IL1RAP: variants seen among roughly 807,000 people sequenced by gnomAD.
IL1RAP encodes interleukin-1 receptor accessory protein.
Under a neutral mutation model 60.7 loss-of-function variants are expected in IL1RAP, and 35 were observed. The observed-to-expected ratio is 0.58, with a 90% CI of 0.44 to 0.76. IL1RAP has a LOEUF of 0.76. Ranked by LOEUF, IL1RAP falls within the 30% of genes least tolerant of loss-of-function variation. The pLI, the probability that IL1RAP is intolerant of heterozygous loss-of-function variation, is 0.00. For missense variants in IL1RAP, 572 were observed against 693.9 expected, an observed-to-expected ratio of 0.82 and a Z score of 1.97; for synonymous variants, 268 against 250.9, an observed-to-expected ratio of 1.07 and a Z score of -0.64.
chr3:190,621,211 T>C (rs1731749825), intron 6 of IL1RAP, among the ~76,000 whole-genome samples: 1 of 152,220 alleles, frequency 6.6e-6, no homozygotes, highest in African/African-American at 2.4e-5. Flanking sequence ...TGACAAGAAG[T>C]AACCTGTTTA....
In IL1RAP at chr3:190,648,583, T is replaced by C. The variant is rs1577829902; in HGVS notation, c.1591T>C (p.Ser531Pro). 6.2e-7 allele frequency: 1 copy of C among 1,613,858 alleles called. No homozygotes were observed. Among genetic ancestry groups the C allele is most frequent in the Non-Finnish European group, 8.5e-7 (1 of 1,179,974 alleles). Residue 531 changes from serine (S) to proline (P), a missense_variant, in exon 12 of 12, where the codon TCC becomes CCC. By Grantham distance (74) the Ser-to-Pro change is moderately conservative. Transcript: ENST00000447382. ...LTVIKWKGEK[S>P]KYPQGRFWKQ... ...GGTCATTAAATGGAAAGGGGAAAAA[T>C]CCAAGTATCCACAGGGCAGGTTCTG...
At chr3:190,627,269 GTT>G in intron 7 of IL1RAP, 52 bp from the exon 8 acceptor site, 2 of 1,390,450 alleles carry the variant, frequency 1.4e-6, no homozygotes, top group Non-Finnish European at 9.7e-7. Context: ...GTTTTGTTTT[GTT>G]TTGTTTTGTT....
In IL1RAP at chr3:190,604,417, G is replaced by A. The variant is rs1730119242; in HGVS notation, c.350+4G>A. Reference sequence around the variant, plus strand: ...GCAACTATACCTGCATGTTAAGGTAGCCTGATTCTTGGCAGTGGCTTTCTC... The same window carrying A: ...GCAACTATACCTGCATGTTAAGGTAACCTGATTCTTGGCAGTGGCTTTCTC... On this transcript the variant is annotated splice_donor_region_variant and intron_variant, in intron 4 of 11. Coordinates refer to ENST00000447382, the MANE Select transcript of IL1RAP (RefSeq NM_002182.4). 6.2e-7 allele frequency: 1 copy of A among 1,610,796 alleles called. No homozygotes were observed. Among genetic ancestry groups the A allele is most frequent in the East Asian group, 2.2e-5 (1 of 44,826 alleles).
chr3:190,549,635 A>G (rs1724689228), intron 1 of IL1RAP, among the ~76,000 whole-genome samples: 1 of 152,216 alleles, frequency 6.6e-6, no homozygotes, highest in African/African-American at 2.4e-5. Flanking sequence ...GCACAGAGAG[A>G]GGCCAAAAGC....
chr3:190,617,025 G>A (rs1414033781), intron 5 of IL1RAP, among the ~76,000 whole-genome samples: 2 of 152,270 alleles, frequency 1.3e-5, no homozygotes, highest in South Asian at 2.1e-4. Flanking sequence ...AGTTCTTCAC[G>A]CTTTTTCCTG....
chr3:190,631,853 T>G (rs1732815491), intron 9 of IL1RAP, among the ~76,000 whole-genome samples: 1 of 152,036 alleles, frequency 6.6e-6, no homozygotes, highest in African/African-American at 2.4e-5. Flanking sequence ...TAGGCTGAAG[T>G]GCAGTGGCAT....
intron 3 of IL1RAP, among the ~76,000 whole-genome samples, chr3:190,570,059 T>C (rs1726778263): frequency 6.6e-6 from 1 of 152,228 alleles, no homozygotes; most frequent in African/African-American, 2.4e-5. Flanking sequence ...GTTTAACTGA[T>C]TAACTTTTTA....
rs533752329 is a variant in IL1RAP, at chr3:190,644,379, A to T, written c.1183A>T (p.Thr395Ser). 75 of 1,613,828 alleles carry T rather than the reference A, an allele frequency of 4.6e-5. 1 individual carries two copies. The South Asian group carries it at 8.1e-4, about 17-fold the overall frequency. The change falls in exon 10 of 12, where the codon ACA becomes TCA. Residue 395 changes from threonine (T) to serine (S), a missense_variant. Coordinates refer to ENST00000447382, the MANE Select transcript of IL1RAP (RefSeq NM_002182.4). ...CCTATTTTACCGGGCTCATTTTGGA[A>T]CAGATGAAACCATTTTAGGTAAGTA... is the stretch of plus-strand genomic sequence containing the variant. ...MVLFYRAHFG[T>S]DETILDGKEY...
intron 1 of IL1RAP, among the ~76,000 whole-genome samples, chr3:190,535,722 G>C (rs1723401506): frequency 6.6e-6 from 1 of 152,246 alleles, no homozygotes; most frequent in African/African-American, 2.4e-5. Context: ...CAAACACGGT[G>C]GCATAAGATT....
intron 2 of IL1RAP, among the ~76,000 whole-genome samples, chr3:190,557,987 C>G (rs1207890422): frequency 6.6e-6 from 1 of 152,090 alleles, no homozygotes; most frequent in Non-Finnish European, 1.5e-5. Flanking sequence ...CTCGGTCACT[C>G]CAGTTCTGTC....
At chr3:190,595,212 G>T (rs1224613912) in intron 3 of IL1RAP, among the ~76,000 whole-genome samples, 5 of 152,178 alleles carry the variant, frequency 3.3e-5, no homozygotes, top group Non-Finnish European at 5.9e-5. Flanking sequence ...CACCCATTTA[G>T]TATTTGGCAC....
chr3:190,593,931 A>G (rs948700233), intron 3 of IL1RAP, among the ~76,000 whole-genome samples: 9 of 152,226 alleles, frequency 5.9e-5, no homozygotes, highest in Non-Finnish European at 1.0e-4. Flanking sequence ...GATATTTAAA[A>G]TAATTTGTCA....
chr3:190,539,647 T>C (rs910356084), intron 1 of IL1RAP, among the ~76,000 whole-genome samples: 4 of 151,242 alleles, frequency 2.6e-5, no homozygotes, highest in Non-Finnish European at 5.9e-5. Flanking sequence ...TTGTGTATAA[T>C]TAATAAAATT....
At chr3:190,654,049 A>T (rs532312867), downstream of IL1RAP, among the ~76,000 whole-genome samples, 1 of 152,228 alleles carries the variant, frequency 6.6e-6, no homozygotes, top group East Asian at 1.9e-4. Context: ...GAGTACCAAT[A>T]AAAAAATTAA....
At chr3:190,579,224 A>G (rs765356473) in intron 3 of IL1RAP, among the ~76,000 whole-genome samples, 8 of 152,084 alleles carry the variant, frequency 5.3e-5, no homozygotes, top group Non-Finnish European at 7.4e-5. Flanking sequence ...TCTTCCTTCA[A>G]CCATCAGCCT....
At chr3:190,562,370 G>GT (rs1725966131) in intron 2 of IL1RAP, among the ~76,000 whole-genome samples, 1 of 151,550 alleles carries the variant, frequency 6.6e-6, no homozygotes. Context: ...TATTGCAGGG[G>GT]GTTTTTTTTT....
chr3:190,555,291 C>T (rs1028909280), intron 1 of IL1RAP, among the ~76,000 whole-genome samples: 1 of 125,162 alleles, frequency 8.0e-6, no homozygotes, highest in African/African-American at 3.3e-5. Flanking sequence ...TGATGTGCTC[C>T]TTCCTCCCTC....
intron 9 of IL1RAP, chr3:190,629,987 A>G: frequency 1.2e-6 from 1 of 866,510 alleles, no homozygotes; most frequent in Non-Finnish European, 1.4e-6. Flanking sequence ...TTTTAATATT[A>G]TTAGAAGCAT....
At chr3:190,565,966 T>C (rs1017177265) in intron 3 of IL1RAP, among the ~76,000 whole-genome samples, 20 of 152,058 alleles carry the variant, frequency 1.3e-4, no homozygotes, top group Non-Finnish European at 1.3e-4. Context: ...TCTTCTCTCC[T>C]CCTCCTCCCT....
Sources: gnomAD v4.1 joint callset for allele counts (sites outside exome capture counted in the v4.1 genomes callset) on GRCh38, gnomAD v4.1.1 for gene constraint, MANE v1.5 for transcripts, NCBI Gene and HGNC (gene_info 2026-07-23, HGNC 2026-07-21) for gene names.